HDAC9: variants seen among roughly 807,000 people sequenced by gnomAD.
The protein encoded by HDAC9 is histone deacetylase 9, also known as MEF-2 interacting transcription repressor (MITR) protein.
In HDAC9, 41 loss-of-function variants were observed where a neutral mutation model predicts 139.4. The observed-to-expected ratio is 0.29, with a 90% confidence interval of 0.23 to 0.38. The LOEUF (loss-of-function observed/expected upper bound fraction) is 0.38. Ranked by LOEUF, HDAC9 falls within the 10% of genes least tolerant of loss-of-function variation. The pLI is 1.00. For synonymous variants in HDAC9, 517 were observed against 476.2 expected (o/e 1.09, Z -1.12); for missense variants, 1,147 against 1,297.0 (o/e 0.88, Z 1.78).
intron 2 of HDAC9, among the ~76,000 whole-genome samples, chr7:18,545,082 C>T (rs1416708773): frequency 2.6e-5 from 4 of 152,112 alleles, no homozygotes; most frequent in Non-Finnish European, 4.4e-5. Context: ...TGGCTCCAAA[C>T]GTCAATGGTT....
At chr7:18,168,897 T>TTGTGTGTGTG (rs1201294435) in intron 2 of HDAC9, among the ~76,000 whole-genome samples, 53 of 94,332 alleles carry the variant, frequency 5.6e-4, no homozygotes, top group African/African-American at 2.7e-3. Context: ...TTTTTTTTTT[T>TTGTGTGTGTG]TGTGTGTGTG....
rs149943895 is a variant in HDAC9 at position 18,130,131 on chromosome 7, T to A, written c.-96-32098T>A. Among the ~76,000 whole-genome samples, 649 of 152,274 alleles carry A rather than the reference T, an allele frequency of 4.3e-3. 4 individuals are homozygous for A. The highest frequency in any genetic ancestry group is 0.015 in the African/African-American group (625 of 41,570). ...AAATCCTTTGAATATTTTCAGAATA[T>A]ATACCAGTTGAGCAGCCCTAATTTG... On this transcript the variant is annotated intron_variant, in intron 1 of 12. Coordinates refer to the HDAC9 transcript ENST00000417496.
chr7:18,835,624 A>G (rs756485600), intron 20 of HDAC9, 38 bp downstream of exon 20: 2 of 1,612,820 alleles, frequency 1.2e-6, no homozygotes, highest in East Asian at 2.2e-5. Flanking sequence ...TTTTATTTGT[A>G]TCTTTCAGGT....
At chr7:18,618,433 A>G (rs1312754120) in intron 6 of HDAC9, among the ~76,000 whole-genome samples, 1 of 152,006 alleles carries the variant, frequency 6.6e-6, no homozygotes, top group Non-Finnish European at 1.5e-5. Flanking sequence ...TACCCAGGAT[A>G]TTATCAGGGG....
intron 2 of HDAC9, among the ~76,000 whole-genome samples, chr7:18,278,090 G>A (rs972125787): frequency 3.9e-5 from 6 of 152,092 alleles, no homozygotes; most frequent in Non-Finnish European, 7.4e-5. Context: ...TCTTCCTTTC[G>A]GAAGTATTTT....
At chr7:18,097,383 T>G (rs1025364531) in intron 1 of HDAC9, among the ~76,000 whole-genome samples, 1 of 151,980 alleles carries the variant, frequency 6.6e-6, no homozygotes, top group African/African-American at 2.4e-5. Flanking sequence ...TGCCCCACCA[T>G]CTATTTTGGT....
chr7:18,362,091 A>G (rs962863935), intron 1 of HDAC9, among the ~76,000 whole-genome samples: 1 of 152,190 alleles, frequency 6.6e-6, no homozygotes, highest in Non-Finnish European at 1.5e-5. Context: ...CAATTCTCCT[A>G]GGTGTCGTAG....
chr7:18,318,634 T>C (rs1406686394), intron 1 of HDAC9, among the ~76,000 whole-genome samples: 1 of 152,220 alleles, frequency 6.6e-6, no homozygotes, highest in African/African-American at 2.4e-5. Context: ...AAGTTGCTAG[T>C]AAGTAGCATT....
chr7:18,757,592 G>T (rs910357709), intron 14 of HDAC9, among the ~76,000 whole-genome samples: 3 of 152,034 alleles, frequency 2.0e-5, no homozygotes, highest in African/African-American at 7.2e-5. Context: ...TTTTACAAAA[G>T]GTTCTGATTC....
chr7:18,215,645 C>G (rs1792254753), intron 2 of HDAC9, among the ~76,000 whole-genome samples: 1 of 152,126 alleles, frequency 6.6e-6, no homozygotes. Flanking sequence ...AAAGGGGGCA[C>G]TGCTCTCTTG....
chr7:18,288,297 T>A (rs931011710), upstream of HDAC9, among the ~76,000 whole-genome samples: 2 of 152,264 alleles, frequency 1.3e-5, no homozygotes, highest in African/African-American at 2.4e-5. Flanking sequence ...TTCTTCTTTG[T>A]GTGTTCTTTA....
chr7:18,312,546 A>G (rs1381234090), intron 1 of HDAC9, among the ~76,000 whole-genome samples: 2 of 152,174 alleles, frequency 1.3e-5, no homozygotes, highest in African/African-American at 4.8e-5. Flanking sequence ...CTGTTAGAAG[A>G]CATTAGGTAA....
intron 12 of HDAC9, among the ~76,000 whole-genome samples, chr7:18,681,265 G>C (rs553035502): frequency 3.3e-5 from 5 of 151,892 alleles, no homozygotes; most frequent in Admixed American, 3.3e-4. Flanking sequence ...TTTTGAATTA[G>C]AATATTCCAG....
At chr7:18,734,714 T>C (rs1786725603) in intron 13 of HDAC9, among the ~76,000 whole-genome samples, 1 of 152,248 alleles carries the variant, frequency 6.6e-6, no homozygotes, top group South Asian at 2.1e-4. Context: ...CATGTGTCTT[T>C]ATAGTAGCAT....
chr7:18,639,841 A>T (rs1473264589), intron 8 of HDAC9, among the ~76,000 whole-genome samples: 2 of 152,014 alleles, frequency 1.3e-5, no homozygotes, highest in Admixed American at 1.3e-4. Context: ...AGAGCTGGGC[A>T]GAGGTGCTTC....
chr7:18,850,832 G>A (rs529832670), intron 21 of HDAC9, among the ~76,000 whole-genome samples: 10 of 152,250 alleles, frequency 6.6e-5, no homozygotes, highest in African/African-American at 2.2e-4. Flanking sequence ...CTGCTTTCTG[G>A]TTCATAGATG....
chr7:18,419,424 A>G (rs1166007528), intron 1 of HDAC9, among the ~76,000 whole-genome samples: 2 of 152,210 alleles, frequency 1.3e-5, no homozygotes, highest in Non-Finnish European at 2.9e-5. Flanking sequence ...ATGTAAAGCC[A>G]TATATGAGAC....
chr7:18,476,345 C>T (rs1795111090), intron 1 of HDAC9, among the ~76,000 whole-genome samples: 1 of 152,112 alleles, frequency 6.6e-6, no homozygotes, highest in African/African-American at 2.4e-5. Context: ...CCCCAAGGGA[C>T]AATATCCTCA....
intron 2 of HDAC9, among the ~76,000 whole-genome samples, chr7:18,221,595 A>G (rs1038818787): frequency 6.6e-6 from 1 of 152,190 alleles, no homozygotes; most frequent in African/African-American, 2.4e-5. Flanking sequence ...AGAAAATTAG[A>G]TGACTGGTAA....
Sources: allele counts gnomAD v4.1 joint callset (sites outside exome capture counted in the v4.1 genomes callset), GRCh38; gene constraint gnomAD v4.1.1; transcripts MANE v1.5; gene names NCBI Gene and HGNC (gene_info 2026-07-23, HGNC 2026-07-21).